The following IQSEC1 variants were observed in gnomAD, a reference collection of about 807,000 sequenced individuals.
The protein encoded by IQSEC1 is IQ motif and Sec7 domain ArfGEF 1, also known as IQ motif and SEC7 domain-containing protein 1.
A neutral mutation model predicts 91.0 loss-of-function variants in IQSEC1; 31 were observed. The observed-to-expected ratio is 0.34, with a 90% CI of 0.26 to 0.46. The LOEUF is 0.46. Ranked by LOEUF, IQSEC1 falls within the 20% of genes least tolerant of loss-of-function variation. The probability of loss-of-function intolerance (pLI) is 1.00; values close to 1 mark genes in which losing one functional copy is unlikely to be tolerated. For synonymous variants in IQSEC1, 699 were observed against 662.6 expected, an observed-to-expected ratio of 1.05 and a Z score of -0.84; for missense variants, 1,388 against 1,575.6, an observed-to-expected ratio of 0.88 and a Z score of 2.02.
At chr3:13,248,907 A>G (rs145813041) in intron 1 of IQSEC1, among the ~76,000 whole-genome samples, 15 of 96,668 alleles carry the variant, frequency 1.6e-4, no homozygotes, top group Admixed American at 9.9e-4. Context: ...GTAGCTGCAC[A>G]GACAGGTTAA....
At position 12,936,564 on chromosome 3, in the gene IQSEC1, C is replaced by T. The variant is rs1414741648; in HGVS notation, c.452G>A (p.Arg151His). ...GGACAGCACAATCCGGCGTGACATG[C>T]GGTTCTCTGACATGGAGCTGCGCAA... The part of the protein sequence containing the change: ...ERLRSSMSEN[R>H]MSRRIVLSNM... Residue 151 changes from arginine to histidine, a missense_variant, in exon 3 of 14, where the codon CGC (arginine) becomes CAC (histidine). Coordinates refer to ENST00000613206, the MANE Select transcript of IQSEC1 (RefSeq NM_001134382.3). The T allele has an allele frequency of 6.2e-7, 1 of 1,613,336 alleles. No homozygotes were observed. The highest frequency in any genetic ancestry group is 1.1e-5 in the South Asian group (1 of 91,076).
chr3:13,228,681 A>ATCTCAGCTCCTTCCTCTCACCCT (rs1205022056), intron 1 of IQSEC1, among the ~76,000 whole-genome samples: 7 of 152,140 alleles, frequency 4.6e-5, no homozygotes, highest in African/African-American at 1.7e-4. Context: ...CACTTCCCCC[A>ATCTCAGCTCCTTCCTCTCACCCT]TCTCAGCTCC....
chr3:12,952,114 G>A lies in IQSEC1; in HGVS notation c.24-10249C>T, dbSNP rs547481397. Among the ~76,000 whole-genome samples the A allele has an allele frequency of 3.9e-5, 6 of 152,286 alleles. No homozygotes were observed. The East Asian group carries it at 1.2e-3, about 29-fold the overall frequency. ...CCCCTACAGGGCGTGGCGGGAGAAG[G>A]TGGGGGTCAGGAGGGTTTCTGCGTT... On this transcript the variant is annotated intron_variant, in intron 1 of 13. Transcript: ENST00000613206.
intron 1 of IQSEC1, among the ~76,000 whole-genome samples, chr3:12,987,348 A>G (rs1701789302): frequency 6.6e-6 from 1 of 152,232 alleles, no homozygotes; most frequent in African/African-American, 2.4e-5. Context: ...CAGGTAGGGA[A>G]AAGAACACGG....
In IQSEC1 at chr3:13,259,749, T is replaced by C. The variant is rs1695350094; in HGVS notation, c.272+22962A>G. ...GGAGCCTCCAATGCTTACCTCCACC[T>C]GCTTCCACCTCTGGTCATCCACAGA... is the stretch of plus-strand genomic sequence containing the variant. On this transcript the variant is annotated intron_variant, in intron 1 of 15. Coordinates refer to the IQSEC1 transcript ENST00000648114. This position sits in a 1 kb window ranked among gnomAD's most constrained non-coding sequence, Gnocchi z 4.6. 6.6e-6 allele frequency among the ~76,000 whole-genome samples: 1 copy of C among 152,208 alleles called. No individual in the cohort carries two copies. The highest frequency in any genetic ancestry group is 2.4e-5 in the African/African-American group (1 of 41,454).
intron 1 of IQSEC1, among the ~76,000 whole-genome samples, chr3:13,067,515 A>AACAAGGG (rs1705275627): frequency 6.6e-6 from 1 of 152,086 alleles, no homozygotes; most frequent in South Asian, 2.1e-4. Flanking sequence ...CATTCCAGGT[A>AACAAGGG]GTGCATGCAG....
intron 1 of IQSEC1, among the ~76,000 whole-genome samples, chr3:12,982,299 A>C (rs1701503972): frequency 6.6e-6 from 1 of 152,232 alleles, no homozygotes; most frequent in South Asian, 2.1e-4. Context: ...TGAGGATCCC[A>C]AAATTGTTTA....
Position 13,135,077 on chromosome 3 carries a change from A to G in IQSEC1, c.302+29027T>C, listed in dbSNP as rs534582858. ...GCACCGTGCATGCAGGGGTCTGCTG[A>G]GGGAGGCTGAGCAGATGACTTCCCC... On this transcript the variant is annotated intron_variant, in intron 2 of 15. Coordinates refer to the IQSEC1 transcript ENST00000648114. Among the ~76,000 whole-genome samples, 301 of 151,900 alleles carry G rather than the reference A, an allele frequency of 2.0e-3. 3 individuals carry two copies. Among genetic ancestry groups the G allele is most frequent in the African/African-American group, 6.8e-3 (283 of 41,396 alleles).
chr3:12,947,968 C>A (rs1483068058), intron 1 of IQSEC1, among the ~76,000 whole-genome samples: 1 of 152,264 alleles, frequency 6.6e-6, no homozygotes, highest in African/African-American at 2.4e-5. Flanking sequence ...ATAGAGATCA[C>A]AACTTGAAGA....
intron 2 of IQSEC1, among the ~76,000 whole-genome samples, chr3:13,129,123 T>C (rs957525676): frequency 2.0e-5 from 3 of 152,228 alleles, no homozygotes; most frequent in Admixed American, 6.5e-5. Flanking sequence ...GGAGTTTTCA[T>C]TGTAAAAATT....
rs1701566941 is a variant in IQSEC1 at position 12,983,439 on chromosome 3, C to G, written c.24-41574G>C. 6.6e-6 allele frequency among the ~76,000 whole-genome samples: 1 copy of G among 152,188 alleles called. No homozygotes were observed. Among genetic ancestry groups the G allele is most frequent in the Non-Finnish European group, 1.5e-5 (1 of 68,036 alleles). On this transcript the variant is annotated intron_variant, in intron 1 of 13. Coordinates refer to ENST00000613206, the MANE Select transcript of IQSEC1 (RefSeq NM_001134382.3). This position sits in a 1 kb window ranked among gnomAD's most constrained non-coding sequence, Gnocchi z 4.3. ...GGCCTGACCAAAGCAATCCCCAGCCCCACCTCTCACTGGGTTGGTCTTGGC... is the reference window on the plus strand; with the variant it reads ...GGCCTGACCAAAGCAATCCCCAGCCGCACCTCTCACTGGGTTGGTCTTGGC...
At chr3:13,154,438 CATATATATATAT>C (rs774589168) in intron 2 of IQSEC1, among the ~76,000 whole-genome samples, 376 of 20,760 alleles carry the variant, frequency 0.018, 65 homozygotes, top group Admixed American at 0.17. Context: ...AACTTACATG[CATATATATATAT>C]ATATATATAT....
intron 2 of IQSEC1, among the ~76,000 whole-genome samples, chr3:13,161,762 C>T (rs1707180219): frequency 6.6e-6 from 1 of 152,226 alleles, no homozygotes. Flanking sequence ...AAGAACTAAA[C>T]ACAGCCTTCC....
At chr3:12,930,157 G>A (rs1260120910) in intron 3 of IQSEC1, among the ~76,000 whole-genome samples, 1 of 152,120 alleles carries the variant, frequency 6.6e-6, no homozygotes, top group African/African-American at 2.4e-5. Context: ...TCCCAGCAGG[G>A]GTGTGCAGGA....
chr3:13,044,129 T>TC (rs1704399343), intron 1 of IQSEC1, among the ~76,000 whole-genome samples: 1 of 152,120 alleles, frequency 6.6e-6, no homozygotes, highest in South Asian at 2.1e-4. Context: ...GAACAAAGTC[T>TC]CCCACCTCAG....
chr3:13,204,795 A>G, intron 1 of IQSEC1, among the ~76,000 whole-genome samples: 1 of 127,816 alleles, frequency 7.8e-6, no homozygotes, highest in Non-Finnish European at 1.7e-5. Context: ...TTCTCTTTCT[A>G]TCTTTCTTTC....
At chr3:13,071,853 C>T (rs1705442950) in intron 1 of IQSEC1, among the ~76,000 whole-genome samples, 1 of 151,250 alleles carries the variant, frequency 6.6e-6, no homozygotes, top group South Asian at 2.1e-4. Context: ...AACCAGAGGC[C>T]ACCGCCATCC....
chr3:13,187,530 C>T (rs908423178), intron 1 of IQSEC1, among the ~76,000 whole-genome samples: 1 of 152,208 alleles, frequency 6.6e-6, no homozygotes, highest in African/African-American at 2.4e-5. Context: ...TATTGTCCCT[C>T]TCTCCCACTG....
intron 1 of IQSEC1, among the ~76,000 whole-genome samples, chr3:13,218,361 T>C (rs1694589404): frequency 6.6e-6 from 1 of 152,184 alleles, no homozygotes. Flanking sequence ...TCATGGAATG[T>C]AGAATGAATG....
Sources: allele counts gnomAD v4.1 joint callset (sites outside exome capture counted in the v4.1 genomes callset), GRCh38; gene constraint gnomAD v4.1.1; non-coding constraint Gnocchi (gnomAD v3.1); transcripts MANE v1.5; gene names NCBI Gene and HGNC (gene_info 2026-07-23, HGNC 2026-07-21).